Variants in ZNF664 observed in about 807,000 individuals in gnomAD.
ZNF664 encodes zinc finger protein 664, also known as zinc finger Organ of Corti 1.
Under a neutral mutation model 18.2 loss-of-function variants are expected in ZNF664, and 10 were observed. The ratio of observed to expected loss-of-function variants is 0.55; its 90% CI spans 0.34 to 0.93. ZNF664 has a LOEUF of 0.93. Among genes scored for constraint, ZNF664 ranks in the 40% least tolerant of loss-of-function variants. The pLI is 0.02. For missense variants in ZNF664, 193 were observed against 319.0 expected, an observed-to-expected ratio of 0.61 and a Z score of 3.01; for synonymous variants, 119 against 104.2, an observed-to-expected ratio of 1.14 and a Z score of -0.86.
rs3767 is a variant in ZNF664, at chr12:124,015,335, C to T, written c.*2405C>T. The stretch of plus-strand genomic sequence containing the variant: ...CCTTTTGAAGCTACTAATTTTATGT[C>T]GAGCTTTAAAGTCCATAATTGTTAT... On this transcript the variant is annotated 3_prime_UTR_variant, in exon 5 of 5. Transcript: ENST00000337815. The T allele has an allele frequency of 0.038, 6,404 of 166,992 alleles. 180 individuals are homozygous for T. The highest frequency in any genetic ancestry group is 0.11 in the South Asian group (543 of 4,820). The allele number at this position is 166,992 out of a possible 1,614,324, so 10.3% of individuals were successfully genotyped here.
At chr12:124,002,757 A>G (rs913201792) in intron 3 of ZNF664, among the ~76,000 whole-genome samples, 1 of 152,090 alleles carries the variant, frequency 6.6e-6, no homozygotes, top group African/African-American at 2.4e-5. Context: ...TTGGTTTGGA[A>G]ATGTGGTTGT....
At chr12:123,998,282 A>T (rs971930287) in intron 3 of ZNF664, 2 of 152,198 alleles carry the variant, frequency 1.3e-5, no homozygotes, top group Admixed American at 1.3e-4. Flanking sequence ...TTCCTAAAAG[A>T]TAGAGTCCTG....
At position 123,973,997 on chromosome 12, in the gene ZNF664, A is replaced by G; in HGVS notation, c.-780A>G. On this transcript the variant is annotated 5_prime_UTR_variant, in exon 2 of 5. Transcript: ENST00000337815. Reference sequence around the variant, plus strand: ...CCGGACGCCTCCATTGTTTGACCACAACAAGGGCCGGATTCTCACCCAGGT... The same window carrying G: ...CCGGACGCCTCCATTGTTTGACCACGACAAGGGCCGGATTCTCACCCAGGT... 4.9e-6 allele frequency: 6 copies of G among 1,231,910 alleles called. No homozygotes were observed. The highest frequency in any genetic ancestry group is 5.1e-6 in the Non-Finnish European group (5 of 988,124). The allele number at this position is 1,231,910 out of a possible 1,614,324, so 76.3% of individuals were successfully genotyped here. A position where few individuals can be genotyped will look rare whatever the true frequency, so the allele number is the denominator to read the frequency against.
chr12:123,987,022 C>T (rs1004134475), intron 2 of ZNF664, among the ~76,000 whole-genome samples: 1 of 152,172 alleles, frequency 6.6e-6, no homozygotes, highest in Non-Finnish European at 1.5e-5. Flanking sequence ...CAGTGCAGGG[C>T]CACTCAGCAT....
chr12:123,985,261 G>A (rs1594548215), intron 2 of ZNF664, among the ~76,000 whole-genome samples: 1 of 152,032 alleles, frequency 6.6e-6, no homozygotes, highest in Non-Finnish European at 1.5e-5. Context: ...TTGCTTTTTT[G>A]TTTTTAACAC....
chr12:123,975,214 A>G (rs896268612), intron 2 of ZNF664, among the ~76,000 whole-genome samples: 2 of 152,180 alleles, frequency 1.3e-5, no homozygotes, highest in African/African-American at 4.8e-5. Context: ...AGCCTTTGTG[A>G]TCCAAAAATT....
In ZNF664 at chr12:123,993,770, G is replaced by A. The variant is rs112977032; in HGVS notation, c.-661+5632G>A. 4.3e-3 allele frequency among the ~76,000 whole-genome samples: 649 copies of A among 152,292 alleles called. 7 individuals are homozygous for A. Among genetic ancestry groups the A allele is most frequent in the African/African-American group, 0.015 (618 of 41,564 alleles). On this transcript the variant is annotated intron_variant, in intron 3 of 4. Coordinates refer to ENST00000337815, the MANE Select transcript of ZNF664 (RefSeq NM_152437.3). ...AAGGCTGAGCAGAGGTTCTCTTGGA[G>A]TTGTTTTATCTGCTGAGACTTGCCA...
intron 3 of ZNF664, among the ~76,000 whole-genome samples, chr12:123,992,071 G>A (rs934566648): frequency 1.3e-5 from 2 of 152,184 alleles, no homozygotes; most frequent in Non-Finnish European, 2.9e-5. Context: ...AAAACCCAGA[G>A]CCCAAATCGT....
chr12:123,998,165 CTTTCTTATACT>C (rs1956971757), intron 3 of ZNF664, among the ~76,000 whole-genome samples: 1 of 152,144 alleles, frequency 6.6e-6, no homozygotes, highest in African/African-American at 2.4e-5. Context: ...CCCCGGGAGC[CTTTCTTATACT>C]TTATCCCTTT....
At chr12:123,975,775 C>T (rs1956683250) in intron 2 of ZNF664, among the ~76,000 whole-genome samples, 1 of 152,162 alleles carries the variant, frequency 6.6e-6, no homozygotes, top group Admixed American at 6.5e-5. Flanking sequence ...TGTGAATAAA[C>T]ATATTAGCAA....
chr12:123,975,784 A>G (rs1956683510), intron 2 of ZNF664, among the ~76,000 whole-genome samples: 1 of 152,222 alleles, frequency 6.6e-6, no homozygotes, highest in Non-Finnish European at 1.5e-5. Context: ...ACATATTAGC[A>G]AACTGAACAC....
chr12:123,988,523 C>T (rs1159628764), intron 3 of ZNF664, among the ~76,000 whole-genome samples: 1 of 152,012 alleles, frequency 6.6e-6, no homozygotes, highest in African/African-American at 2.4e-5. Flanking sequence ...TTCTGTTGTT[C>T]CTATCCTCAC....
At chr12:123,989,045 G>GC (rs911289282) in intron 3 of ZNF664, among the ~76,000 whole-genome samples, 6 of 152,196 alleles carry the variant, frequency 3.9e-5, no homozygotes, top group African/African-American at 1.4e-4. Flanking sequence ...CAGGCCCTGG[G>GC]CTTCTGCCTT....
intron 3 of ZNF664, among the ~76,000 whole-genome samples, chr12:123,993,178 C>G (rs138643524): frequency 1.8e-4 from 27 of 152,262 alleles, no homozygotes; most frequent in Admixed American, 1.3e-4. Flanking sequence ...GGAGAGAGGT[C>G]TAGGACCCTA....
rs370491716 is a variant in ZNF664 at position 123,978,671 on chromosome 12, T to C, written c.-757+4651T>C. 1.4e-4 allele frequency among the ~76,000 whole-genome samples: 22 copies of C among 152,284 alleles called. No homozygotes were observed. In the South Asian group the frequency reaches 4.2e-3, roughly 29 times the overall value. The stretch of plus-strand genomic sequence containing the variant: ...TAGATAAATTGCTTCTAAAACTCTT[T>C]TATAGGAGTAAATGTCCTAGAATGG... On this transcript the variant is annotated intron_variant, in intron 2 of 4. Transcript: ENST00000337815.
rs950279391 is a variant in ZNF664, at chr12:124,013,615, C to T, written c.*685C>T. 1 of 167,394 alleles carries T rather than the reference C, an allele frequency of 6.0e-6. No homozygotes were observed. Among genetic ancestry groups the T allele is most frequent in the Non-Finnish European group, 1.5e-5 (1 of 68,376 alleles). The allele number at this position is 167,394 out of a possible 1,614,324, so 10.4% of individuals were successfully genotyped here. The stretch of plus-strand genomic sequence containing the variant: ...CTTTTTTATTTGTGTGGATTCTGCT[C>T]ATCACTGTCTCTGTTAGACTTATTT... On this transcript the variant is annotated 3_prime_UTR_variant, in exon 5 of 5. Coordinates refer to ENST00000337815, the MANE Select transcript of ZNF664 (RefSeq NM_152437.3).
At chr12:123,983,105 C>T (rs918711566) in intron 2 of ZNF664, among the ~76,000 whole-genome samples, 7 of 152,094 alleles carry the variant, frequency 4.6e-5, no homozygotes, top group Admixed American at 3.3e-4. Context: ...CATGATCACG[C>T]CACTGTACTC....
intron 3 of ZNF664, among the ~76,000 whole-genome samples, chr12:124,010,253 A>AT (rs945217619): frequency 1.8e-4 from 27 of 152,198 alleles, no homozygotes; most frequent in African/African-American, 5.8e-4. Context: ...TTTATTTTAC[A>AT]TTTTAACATT....
intron 3 of ZNF664, among the ~76,000 whole-genome samples, chr12:123,991,182 G>C (rs1310159001): frequency 6.6e-6 from 1 of 152,152 alleles, no homozygotes; most frequent in Non-Finnish European, 1.5e-5. Context: ...CCTTGTATGT[G>C]GGGTTCACGT....
Sources: allele counts gnomAD v4.1 joint callset (sites outside exome capture counted in the v4.1 genomes callset), GRCh38; gene constraint gnomAD v4.1.1; transcripts MANE v1.5; gene names NCBI Gene and HGNC (gene_info 2026-07-23, HGNC 2026-07-21).